The following ARHGAP27 variants were observed in gnomAD, a reference collection of about 807,000 sequenced individuals.
ARHGAP27 encodes rho GTPase-activating protein 27.
In ARHGAP27, 53 loss-of-function variants were observed where a neutral mutation model predicts 102.0. The observed-to-expected ratio is 0.52, with a 90% CI of 0.42 to 0.65. The LOEUF (loss-of-function observed/expected upper bound fraction) is 0.65, where lower values mean the gene tolerates loss of function less well. ARHGAP27 is among the 30% of genes least tolerant of loss of function. The pLI is 0.00. For synonymous variants in ARHGAP27, 525 were observed against 542.8 expected (o/e 0.97, Z 0.46); for missense variants, 1,117 against 1,256.2 (o/e 0.89, Z 1.68).
chr17:45,415,210 A>C (rs2048338003), intron 4 of ARHGAP27, among the ~76,000 whole-genome samples: 1 of 151,758 alleles, frequency 6.6e-6, no homozygotes, highest in South Asian at 2.1e-4. Flanking sequence ...GAGGCCTTCT[A>C]CCACTTCCTT....
intron 4 of ARHGAP27, among the ~76,000 whole-genome samples, chr17:45,406,640 C>A (rs1191983743): frequency 6.6e-6 from 1 of 152,176 alleles, no homozygotes; most frequent in Non-Finnish European, 1.5e-5. Flanking sequence ...GTTTATGGTG[C>A]CCATTCAGGG....
intron 12 of ARHGAP27, among the ~76,000 whole-genome samples, chr17:45,399,583 C>A (rs2046172246): frequency 1.6e-5 from 1 of 64,470 alleles, no homozygotes; most frequent in Non-Finnish European, 2.8e-5. Flanking sequence ...CAGAGCAACA[C>A]TCTGTCTCAA....
At chr17:45,409,950 G>A in intron 4 of ARHGAP27, 1 of 445,906 alleles carries the variant, frequency 2.2e-6, no homozygotes, top group South Asian at 3.4e-5. Flanking sequence ...AGAGGGACCT[G>A]GCTCTCAGGC....
Position 45,396,931 on chromosome 17 carries a change from C to G in ARHGAP27, c.1936G>C (p.Ala646Pro), listed in dbSNP as rs1030053633. 1 of 1,606,230 alleles carries G rather than the reference C, an allele frequency of 6.2e-7. No individual in the cohort carries two copies. The change falls in exon 14 of 20, where the codon GCG becomes CCG. Residue 646 changes from alanine (A) to proline (P), a missense_variant. By Grantham distance (27) the Ala-to-Pro change is conservative (BLOSUM62 -1). Transcript: ENST00000685559. Reference protein sequence around the residue: ...LGSWQEKEEDARPNAAAPALG... With the variant: ...LGSWQEKEEDPRPNAAAPALG... ...TTGCGCACACCTGCATTCGGTCGCG[C>G]GTCCTCCTCTTTCTCCTGCCAGCTT...
chr17:45,407,030 A>T (rs185381364), intron 4 of ARHGAP27, among the ~76,000 whole-genome samples: 1 of 152,308 alleles, frequency 6.6e-6, no homozygotes, highest in Admixed American at 6.5e-5. Context: ...AAACCTAGCC[A>T]TGCGTAAGCC....
chr17:45,421,146 C>T (rs978663542), intron 4 of ARHGAP27, among the ~76,000 whole-genome samples: 13 of 129,770 alleles, frequency 1.0e-4, no homozygotes, highest in South Asian at 3.8e-4. Flanking sequence ...CAGTTGGGAG[C>T]GCTCACATGC....
At chr17:45,396,626 C>A in intron 15 of ARHGAP27, 41 bp from the exon 16 acceptor site, 2 of 1,611,804 alleles carry the variant, frequency 1.2e-6, no homozygotes, top group Non-Finnish European at 1.7e-6. Flanking sequence ...GCCTGCGCCC[C>A]GTCCCGGTCC....
intron 4 of ARHGAP27, among the ~76,000 whole-genome samples, chr17:45,424,051 C>A (rs542233633): frequency 8.5e-4 from 130 of 152,358 alleles, no homozygotes; most frequent in African/African-American, 3.0e-3. Flanking sequence ...TGCTTCCTCT[C>A]TCTGGCCCAG....
At chr17:45,410,311 G>A (rs961433346) in intron 4 of ARHGAP27, 6 of 1,510,652 alleles carry the variant, frequency 4.0e-6, no homozygotes, top group African/African-American at 1.4e-5. Flanking sequence ...GAACTGCCGG[G>A]ACAGAGCCCT....
At chr17:45,413,999 G>A (rs187163624) in intron 4 of ARHGAP27, among the ~76,000 whole-genome samples, 14 of 152,014 alleles carry the variant, frequency 9.2e-5, no homozygotes, top group Non-Finnish European at 1.5e-5. Flanking sequence ...CCAGCTACTC[G>A]GGAGGCTGAG....
At position 45,393,950 on chromosome 17, in the gene ARHGAP27, T is replaced by C. The variant is rs2045324781; in HGVS notation, c.*1506A>G. 1 of 152,700 alleles carries C rather than the reference T, an allele frequency of 6.5e-6. No individual in the cohort carries two copies. The highest frequency in any genetic ancestry group is 1.5e-5 in the Non-Finnish European group (1 of 68,056). 9.5% of individuals were successfully genotyped at this position (152,700 alleles called of 1,614,324 possible). ...TTTTATTTAACAGTTGTTAGCTTGA[T>C]TGATAACTTTTAAATATTTAGACAT... On this transcript the variant is annotated 3_prime_UTR_variant, in exon 20 of 20. Coordinates refer to ENST00000685559, the MANE Select transcript of ARHGAP27 (RefSeq NM_001282290.2).
intron 6 of ARHGAP27, 92 bp from the exon 7 acceptor site, chr17:45,404,773 G>T (rs1019721458): frequency 6.7e-7 from 1 of 1,501,636 alleles, no homozygotes; most frequent in African/African-American, 1.4e-5. Flanking sequence ...CAGCACCAGG[G>T]AGTCTGGAGG....
At position 45,406,060 on chromosome 17, in the gene ARHGAP27, C is replaced by T. The variant is rs1176553726; in HGVS notation, c.681G>A (p.Val227=). 5 of 1,528,506 alleles carry T rather than the reference C, an allele frequency of 3.3e-6. No individual in the cohort carries two copies. In the African/African-American group the frequency reaches 6.9e-5, roughly 21 times the overall value. The allele number at this position is 1,528,506 out of a possible 1,614,324, so 94.7% of individuals were successfully genotyped here. The stretch of plus-strand genomic sequence containing the variant: ...GGGGCTGCCTCTCTATGTTCGCGTA[C>T]ACGGGCTCCGGTGGGTCGTCCACCT... The part of the protein sequence containing the change: ...AEQVDDPPEP[V]YANIERQPRA... The change falls in exon 5 of 20, where the codon GTG becomes GTA. Residue 227 remains valine, a synonymous_variant. Coordinates refer to ENST00000685559, the MANE Select transcript of ARHGAP27 (RefSeq NM_001282290.2).
chr17:45,429,690 T>C lies in ARHGAP27; in HGVS notation c.590A>G (p.Asp197Gly), dbSNP rs1312155350. Residue 197 changes from aspartate to glycine, a missense_variant, in exon 4 of 20, where the codon GAC becomes GGC. Coordinates refer to ENST00000685559, the MANE Select transcript of ARHGAP27 (RefSeq NM_001282290.2). ...GATGACCTCGTAGACGTTCTCTGAG[T>C]CGCTGCGCGCCAGAGGCCGCGGGCA... ...WVCPRPLARS[D>G]SENVYEVIQD... 3 of 1,567,402 alleles carry C rather than the reference T, an allele frequency of 1.9e-6. No individual in the cohort carries two copies. Among genetic ancestry groups the C allele is most frequent in the East Asian group, 4.7e-5 (2 of 42,206 alleles).
intron 13 of ARHGAP27, 67 bp from the exon 14 acceptor site, chr17:45,397,091 A>G: frequency 6.3e-7 from 1 of 1,579,172 alleles, no homozygotes; most frequent in South Asian, 1.1e-5. Context: ...GGATGGGGCA[A>G]GGGACCCGAA....
At chr17:45,422,645 G>A (rs1340183520) in intron 4 of ARHGAP27, among the ~76,000 whole-genome samples, 2 of 152,090 alleles carry the variant, frequency 1.3e-5, no homozygotes, top group South Asian at 2.1e-4. Flanking sequence ...AAGAACGCTC[G>A]AAATCTGCAT....
chr17:45,402,235 G>A (rs564426082), intron 12 of ARHGAP27, among the ~76,000 whole-genome samples: 3 of 152,270 alleles, frequency 2.0e-5, no homozygotes, highest in African/African-American at 4.8e-5. Flanking sequence ...AGCAGCCAGG[G>A]ACAGGGAGCC....
chr17:45,406,715 G>A (rs1007463645), intron 4 of ARHGAP27, among the ~76,000 whole-genome samples: 4 of 151,954 alleles, frequency 2.6e-5, no homozygotes, highest in Middle Eastern at 3.2e-3. Flanking sequence ...GTGCAGTGGC[G>A]CAATCTTGGC....
intron 4 of ARHGAP27, among the ~76,000 whole-genome samples, chr17:45,417,792 G>T (rs2048618475): frequency 6.7e-6 from 1 of 150,182 alleles, no homozygotes; most frequent in Non-Finnish European, 1.5e-5. Context: ...GGTGGCTCAC[G>T]CCTGTAATCC....
Sources: gnomAD v4.1 joint callset for allele counts (sites outside exome capture counted in the v4.1 genomes callset) on GRCh38, gnomAD v4.1.1 for gene constraint, MANE v1.5 for transcripts, NCBI Gene and HGNC (gene_info 2026-07-23, HGNC 2026-07-21) for gene names.